Variants in SLC16A7 observed in about 807,000 individuals in gnomAD.
SLC16A7 encodes the protein monocarboxylate transporter 2.
Under a neutral mutation model 34.9 loss-of-function variants are expected in SLC16A7, and 33 were observed. That is an observed-to-expected ratio of 0.94 (90% CI 0.72 to 1.26). The LOEUF is 1.26. Ranked by LOEUF, SLC16A7 falls within the 50% of genes most tolerant of loss-of-function variation. The pLI, the probability that SLC16A7 is intolerant of heterozygous loss-of-function variation, is 0.00. For synonymous variants in SLC16A7, 201 were observed against 206.6 expected, an observed-to-expected ratio of 0.97 and a Z score of 0.23; for missense variants, 573 against 578.1, an observed-to-expected ratio of 0.99 and a Z score of 0.09.
intron 3 of SLC16A7, among the ~76,000 whole-genome samples, chr12:59,718,564 C>T (rs1875193359): frequency 6.6e-6 from 1 of 152,020 alleles, no homozygotes; most frequent in South Asian, 2.1e-4. Flanking sequence ...TTTCTGAACT[C>T]TACTGATTAG....
Position 59,689,572 on chromosome 12 carries a change from G to A in SLC16A7, c.-30-15200G>A, listed in dbSNP as rs1010666417. On this transcript the variant is annotated intron_variant, in intron 2 of 5. Transcript: ENST00000547379. ...TAACATCTTTCTGAATCTCATCATT[G>A]ATATCAGGAGATCCTGTGGGGTTTT... The A allele has an allele frequency of 4.6e-5, 7 of 152,002 alleles. No individual in the cohort carries two copies. The East Asian group carries it at 9.7e-4, about 21-fold the overall frequency. The allele number at this position is 152,002 out of a possible 1,614,324, so 9.4% of individuals were successfully genotyped here. A position where few individuals can be genotyped will look rare whatever the true frequency, so the allele number is the denominator to read the frequency against.
In SLC16A7 at chr12:59,788,303, G is replaced by A. The variant is rs1883759044; in HGVS notation, c.*8624G>A. ...TAAGGGATTAGATTTAGGGGTTAAT[G>A]TTTAGAATTATTTTTAAAATATAAA... On this transcript the variant is annotated 3_prime_UTR_variant, in exon 6 of 6. Transcript: ENST00000547379. 1 of 152,008 alleles carries A rather than the reference G, an allele frequency of 6.6e-6. No individual in the cohort carries two copies. The highest frequency in any genetic ancestry group is 2.1e-4 in the South Asian group (1 of 4,826). The allele number at this position is 152,008 out of a possible 1,614,324, so 9.4% of individuals were successfully genotyped here. A position where few individuals can be genotyped will look rare whatever the true frequency, so the allele number is the denominator to read the frequency against.
intron 1 of SLC16A7, among the ~76,000 whole-genome samples, chr12:59,640,430 C>T (rs1022044689): frequency 1.8e-4 from 27 of 151,608 alleles, no homozygotes; most frequent in African/African-American, 6.3e-4. Context: ...CTTTATGCCC[C>T]CCCAGAGAAA....
chr12:59,603,537 C>T lies in SLC16A7; in HGVS notation c.-130+7301C>T, dbSNP rs550501051. Among the ~76,000 whole-genome samples the T allele has an allele frequency of 2.0e-5, 3 of 152,286 alleles. No homozygotes were observed. In the South Asian group the frequency reaches 6.2e-4, roughly 32 times the overall value. On this transcript the variant is annotated intron_variant, in intron 1 of 5. Coordinates refer to ENST00000547379, the MANE Select transcript of SLC16A7 (RefSeq NM_001270623.2). ...CACCTTCTAAGAAGTTGAGCTTAAACACCACATACAAATTTTCCTCTGACA... is the reference window on the plus strand; with the variant it reads ...CACCTTCTAAGAAGTTGAGCTTAAATACCACATACAAATTTTCCTCTGACA...
chr12:59,679,213 CG>C (rs1422746323), intron 2 of SLC16A7, among the ~76,000 whole-genome samples: 1 of 152,132 alleles, frequency 6.6e-6, no homozygotes, highest in Non-Finnish European at 1.5e-5. Flanking sequence ...CAGGGATGGC[CG>C]GGTCCCCAGC....
At chr12:59,624,793 C>A (rs1879853642) in intron 1 of SLC16A7, among the ~76,000 whole-genome samples, 1 of 149,550 alleles carries the variant, frequency 6.7e-6, no homozygotes, top group Non-Finnish European at 1.5e-5. Flanking sequence ...TGTGTGTGTA[C>A]TACTGCAAGC....
intron 3 of SLC16A7, among the ~76,000 whole-genome samples, chr12:59,747,264 T>A (rs1878995326): frequency 6.6e-6 from 1 of 152,200 alleles, no homozygotes; most frequent in South Asian, 2.1e-4. Context: ...GCAGAAAGTT[T>A]TACAATTATT....
In SLC16A7 at chr12:59,596,793, G is replaced by A. The variant is rs1466596908; in HGVS notation, c.-130+557G>A. Among the ~76,000 whole-genome samples, 1 of 152,208 alleles carries A rather than the reference G, an allele frequency of 6.6e-6. No homozygotes were observed. Among genetic ancestry groups the A allele is most frequent in the Non-Finnish European group, 1.5e-5 (1 of 68,036 alleles). ...TGATCAGGACAGGAAGAGGCTGTGA[G>A]GGGAAGACGAAATACCGGGGGATGG... On this transcript the variant is annotated intron_variant, in intron 1 of 5. Coordinates refer to ENST00000547379, the MANE Select transcript of SLC16A7 (RefSeq NM_001270623.2). This position sits in a 1 kb window ranked among gnomAD's most constrained non-coding sequence, Gnocchi z 5.0.
At chr12:59,682,014 C>T (rs1429835324) in intron 2 of SLC16A7, among the ~76,000 whole-genome samples, 1 of 152,102 alleles carries the variant, frequency 6.6e-6, no homozygotes, top group African/African-American at 2.4e-5. Context: ...CCCAAAGGAA[C>T]TGGGTTAAAC....
At chr12:59,744,350 G>A (rs1191053471) in intron 3 of SLC16A7, among the ~76,000 whole-genome samples, 1 of 152,148 alleles carries the variant, frequency 6.6e-6, no homozygotes, top group Non-Finnish European at 1.5e-5. Flanking sequence ...ACGTCAGAGA[G>A]AAGCAGCTTG....
chr12:59,630,469 G>A (rs533311385), intron 1 of SLC16A7, among the ~76,000 whole-genome samples: 1 of 151,938 alleles, frequency 6.6e-6, no homozygotes, highest in South Asian at 2.1e-4. Context: ...AATGTGTCTG[G>A]TGAAATATCT....
intron 1 of SLC16A7, among the ~76,000 whole-genome samples, chr12:59,650,610 T>G (rs1240293474): frequency 6.6e-6 from 1 of 152,202 alleles, no homozygotes; most frequent in Non-Finnish European, 1.5e-5. Flanking sequence ...GAGGTCATAC[T>G]TATACTGAAC....
intron 1 of SLC16A7, among the ~76,000 whole-genome samples, chr12:59,607,957 A>G (rs972132): frequency 2.0e-5 from 3 of 152,170 alleles, no homozygotes; most frequent in African/African-American, 4.8e-5. Context: ...ATAGATAGGA[A>G]TATACTTTCA....
intron 2 of SLC16A7, among the ~76,000 whole-genome samples, chr12:59,662,899 T>A (rs2137032242): frequency 6.6e-6 from 1 of 152,272 alleles, no homozygotes; most frequent in Non-Finnish European, 1.5e-5. Context: ...TAAGGTAATG[T>A]AGTAGAAGAA....
At chr12:59,778,509 C>G (rs1231450028) in intron 5 of SLC16A7, among the ~76,000 whole-genome samples, 1 of 152,112 alleles carries the variant, frequency 6.6e-6, no homozygotes, top group Non-Finnish European at 1.5e-5. Context: ...GATTTGTATA[C>G]ACTAAATTTT....
At chr12:59,668,690 T>G (rs1388109505) in intron 2 of SLC16A7, among the ~76,000 whole-genome samples, 2 of 152,164 alleles carry the variant, frequency 1.3e-5, no homozygotes, top group Non-Finnish European at 2.9e-5. Context: ...GAGGGATTTT[T>G]GGGAAGGCAT....
In SLC16A7 at chr12:59,779,729, GT is replaced by G. The variant is rs529558915; in HGVS notation, c.*55del. ...TGTTTATGACTTTATCTAGGAGTTTGTTTTTCATTTTGTTTTTTTAAAGTAT... is the reference window on the plus strand; with the variant it reads ...TGTTTATGACTTTATCTAGGAGTTTGTTTTCATTTTGTTTTTTTAAAGTAT... On this transcript the variant is annotated 3_prime_UTR_variant, in exon 6 of 6. Coordinates refer to ENST00000547379, the MANE Select transcript of SLC16A7 (RefSeq NM_001270623.2). 1.8e-3 allele frequency: 2,590 copies of G among 1,445,214 alleles called. 6 individuals carry two copies. Among genetic ancestry groups the G allele is most frequent in the Non-Finnish European group, 2.3e-3 (2,466 of 1,072,104 alleles). The allele number at this position is 1,445,214 out of a possible 1,614,324, so 89.5% of individuals were successfully genotyped here.
chr12:59,728,177 G>A (rs1876509820), intron 3 of SLC16A7, among the ~76,000 whole-genome samples: 1 of 152,114 alleles, frequency 6.6e-6, no homozygotes, highest in African/African-American at 2.4e-5. Context: ...CAACCTGAAT[G>A]TTTAAAAAAA....
chr12:59,637,962 G>A (rs1880507569), intron 1 of SLC16A7, among the ~76,000 whole-genome samples: 2 of 152,242 alleles, frequency 1.3e-5, no homozygotes, highest in Non-Finnish European at 1.5e-5. Context: ...GCCTTGTCCA[G>A]ATGCCAGCAC....
Sources: gnomAD v4.1 joint callset for allele counts (sites outside exome capture counted in the v4.1 genomes callset) on GRCh38, gnomAD v4.1.1 for gene constraint, Gnocchi (gnomAD v3.1) non-coding constraint, MANE v1.5 for transcripts, NCBI Gene and HGNC (gene_info 2026-07-23, HGNC 2026-07-21) for gene names.